Variants in SLC16A4 observed in about 807,000 individuals in gnomAD.
SLC16A4 encodes solute carrier family 16 member 4.
SLC16A4 carries 39 observed loss-of-function variants against 47.9 expected under a neutral mutation model. That is an observed-to-expected ratio of 0.81 (90% CI 0.63 to 1.06). SLC16A4 has a LOEUF of 1.06. SLC16A4 is among the 50% of genes least tolerant of loss of function. SLC16A4 has a pLI of 0.00. For synonymous variants in SLC16A4, 189 were observed against 199.9 expected (o/e 0.95, Z 0.46); for missense variants, 524 against 573.8 (o/e 0.91, Z 0.89).
In SLC16A4 at chr1:110,363,605, G is replaced by A. The variant is rs1161003211; in HGVS notation, c.*161C>T. 1.8e-5 allele frequency: 11 copies of A among 611,700 alleles called. No homozygotes were observed. The highest frequency in any genetic ancestry group is 2.7e-5 in the Non-Finnish European group (11 of 408,334). The allele number at this position is 611,700 out of a possible 1,614,324, so 37.9% of individuals were successfully genotyped here. A position where few individuals can be genotyped will look rare whatever the true frequency, so the allele number is the denominator to read the frequency against. On this transcript the variant is annotated 3_prime_UTR_variant, in exon 9 of 9. Transcript: ENST00000369779. ...TGCGCCACTGCACTCCAGCCTGGGCGAAAGAGCGAGACTCCGTCTCAAAAA... is the reference window on the plus strand; with the variant it reads ...TGCGCCACTGCACTCCAGCCTGGGCAAAAGAGCGAGACTCCGTCTCAAAAA...
intron 8 of SLC16A4, among the ~76,000 whole-genome samples, chr1:110,364,372 C>A (rs1430135393): frequency 6.6e-6 from 1 of 151,856 alleles, no homozygotes; most frequent in Non-Finnish European, 1.5e-5. Context: ...AGGTACCAAC[C>A]ACATAAATGA....
chr1:110,364,226 GT>G (rs1661241226), intron 8 of SLC16A4, among the ~76,000 whole-genome samples: 1 of 152,154 alleles, frequency 6.6e-6, no homozygotes, highest in South Asian at 2.1e-4. Context: ...ATAATAATCA[GT>G]TTTCTTTTTT....
intron 2 of SLC16A4, 49 bp downstream of exon 2, chr1:110,389,188 A>G (rs753643563): frequency 8.2e-6 from 12 of 1,466,586 alleles, no homozygotes; most frequent in Non-Finnish European, 1.1e-5. Context: ...CTTTCTCCAG[A>G]AAGCCTGCTT....
intron 8 of SLC16A4, among the ~76,000 whole-genome samples, chr1:110,368,843 T>A (rs1436694472): frequency 1.6e-5 from 2 of 127,194 alleles, no homozygotes; most frequent in African/African-American, 5.3e-5. Context: ...CACATTATTT[T>A]ATGTGTTAGG....
intron 7 of SLC16A4, among the ~76,000 whole-genome samples, chr1:110,376,495 A>C (rs1381075029): frequency 6.6e-6 from 1 of 152,186 alleles, no homozygotes; most frequent in Non-Finnish European, 1.5e-5. Context: ...ATGGAGAGGA[A>C]GTATAAAACA....
intron 5 of SLC16A4, among the ~76,000 whole-genome samples, chr1:110,380,607 G>C (rs1662318995): frequency 7.9e-6 from 1 of 126,552 alleles, no homozygotes; most frequent in Admixed American, 8.6e-5. Flanking sequence ...GGGAAAATGG[G>C]AAAAGTGAGG....
intron 2 of SLC16A4, among the ~76,000 whole-genome samples, chr1:110,387,895 T>C (rs899108693): frequency 3.0e-5 from 2 of 67,722 alleles, no homozygotes; most frequent in African/African-American, 1.2e-4. Flanking sequence ...TTAAGAGTTT[T>C]GTATTACATA....
chr1:110,371,615 A>G (rs750827138), intron 8 of SLC16A4: 13 of 152,228 alleles, frequency 8.5e-5, no homozygotes, highest in Non-Finnish European at 1.3e-4. Flanking sequence ...ACAGCCTTCC[A>G]AGGCTTCCAT....
chr1:110,390,835 A>T (rs924712321), intron 1 of SLC16A4, 30 bp downstream of exon 1: 9 of 152,276 alleles, frequency 5.9e-5, no homozygotes, highest in African/African-American at 2.2e-4. Flanking sequence ...TAGAAAACCA[A>T]CCCAGCACAC....
intron 2 of SLC16A4, among the ~76,000 whole-genome samples, chr1:110,383,215 G>A (rs1046513918): frequency 2.6e-5 from 4 of 152,158 alleles, no homozygotes; most frequent in South Asian, 2.1e-4. Context: ...CCAATGTTGT[G>A]TACCAAATAA....
At chr1:110,382,470 AT>A (rs1425989394) in intron 3 of SLC16A4, among the ~76,000 whole-genome samples, 1 of 152,086 alleles carries the variant, frequency 6.6e-6, no homozygotes, top group Non-Finnish European at 1.5e-5. Context: ...AAAAAAAAAA[AT>A]AAATAAAATT....
At chr1:110,380,070 A>T (rs1332137008) in intron 5 of SLC16A4, among the ~76,000 whole-genome samples, 2 of 150,912 alleles carry the variant, frequency 1.3e-5, no homozygotes, top group Non-Finnish European at 2.9e-5. Context: ...AAAAAAAAAA[A>T]AAAGCAGCGG....
intron 6 of SLC16A4, among the ~76,000 whole-genome samples, chr1:110,377,639 C>T (rs531377289): frequency 5.9e-5 from 9 of 152,104 alleles, no homozygotes; most frequent in Admixed American, 3.9e-4. Context: ...TAATTGCATA[C>T]GAAGTTTTAG....
At chr1:110,383,103 A>T (rs1342837125) in intron 2 of SLC16A4, 137 bp from the exon 3 acceptor site, 21 of 642,060 alleles carry the variant, frequency 3.3e-5, no homozygotes, top group Non-Finnish European at 2.5e-6. Flanking sequence ...CTCATTATAC[A>T]TCTTATATTT....
At chr1:110,364,389 A>G (rs1337417266) in intron 8 of SLC16A4, among the ~76,000 whole-genome samples, 2 of 151,820 alleles carry the variant, frequency 1.3e-5, no homozygotes, top group Non-Finnish European at 2.9e-5. Flanking sequence ...ATGATATGTG[A>G]TAAGTGCTAT....
At chr1:110,388,431 G>T in intron 2 of SLC16A4, among the ~76,000 whole-genome samples, 1 of 152,186 alleles carries the variant, frequency 6.6e-6, no homozygotes, top group Non-Finnish European at 1.5e-5. Flanking sequence ...AGTTAGTGGG[G>T]ATGGATTGGG....
chr1:110,367,957 T>G (rs933899518), intron 8 of SLC16A4, among the ~76,000 whole-genome samples: 2 of 152,036 alleles, frequency 1.3e-5, no homozygotes, highest in Non-Finnish European at 2.9e-5. Flanking sequence ...GCCTCCCGAG[T>G]AGCTGGGACC....
chr1:110,389,150 G>A, intron 2 of SLC16A4, 87 bp downstream of exon 2: 1 of 1,117,900 alleles, frequency 8.9e-7, no homozygotes, highest in Non-Finnish European at 1.4e-6. Context: ...GATTTCCTAA[G>A]TGATCCTATT....
chr1:110,367,906 C>T (rs180829020), intron 8 of SLC16A4, among the ~76,000 whole-genome samples: 57 of 152,172 alleles, frequency 3.7e-4, no homozygotes, highest in African/African-American at 1.2e-3. Context: ...TCCACTCACT[C>T]CCAGCTCCGC....
Sources: gnomAD v4.1 joint callset for allele counts (sites outside exome capture counted in the v4.1 genomes callset) on GRCh38, gnomAD v4.1.1 for gene constraint, MANE v1.5 for transcripts, NCBI Gene and HGNC (gene_info 2026-07-23, HGNC 2026-07-21) for gene names.